The following RIPOR2 variants were observed in gnomAD, a reference collection of about 807,000 sequenced individuals.
RIPOR2 encodes RHO family interacting cell polarization regulator 2.
RIPOR2 carries 39 observed loss-of-function variants against 114.5 expected under a neutral mutation model. The observed-to-expected ratio is 0.34, with a 90% CI of 0.26 to 0.44. The LOEUF is 0.44. Among genes scored for constraint, RIPOR2 ranks in the 20% least tolerant of loss-of-function variants. RIPOR2 has a pLI of 1.00. For synonymous variants in RIPOR2, 445 were observed against 484.4 expected, an observed-to-expected ratio of 0.92 and a Z score of 1.07; for missense variants, 1,007 against 1,255.1, an observed-to-expected ratio of 0.80 and a Z score of 2.99.
At chr6:25,008,282 C>T (rs1251861713) in intron 1 of RIPOR2, among the ~76,000 whole-genome samples, 3 of 152,102 alleles carry the variant, frequency 2.0e-5, no homozygotes, top group Admixed American at 6.5e-5. Flanking sequence ...TCCCAAAGTG[C>T]TGGGATTACA....
intron 1 of RIPOR2, among the ~76,000 whole-genome samples, chr6:24,981,307 G>A (rs985904080): frequency 1.3e-5 from 2 of 152,112 alleles, no homozygotes; most frequent in Non-Finnish European, 2.9e-5. Flanking sequence ...ATTAATTCTT[G>A]CTTACCCTGC....
intron 1 of RIPOR2, chr6:25,023,894 T>C: frequency 1.4e-6 from 1 of 722,022 alleles, no homozygotes; most frequent in Non-Finnish European, 2.6e-6. Flanking sequence ...GGCACTTGGT[T>C]CTTGGGGTTC....
intron 1 of RIPOR2, among the ~76,000 whole-genome samples, chr6:24,960,583 T>C (rs749729758): frequency 6.6e-6 from 1 of 152,160 alleles, no homozygotes; most frequent in Non-Finnish European, 1.5e-5. Context: ...TGGAGAGCAG[T>C]GGTGCAATCT....
intron 1 of RIPOR2, among the ~76,000 whole-genome samples, chr6:24,990,537 T>A (rs1239380110): frequency 6.6e-6 from 1 of 152,240 alleles, no homozygotes; most frequent in Admixed American, 6.5e-5. Context: ...CTTATGTTGA[T>A]ACGAGTGAAT....
intron 1 of RIPOR2, among the ~76,000 whole-genome samples, chr6:24,886,477 C>T (rs1766845736): frequency 6.6e-6 from 1 of 152,182 alleles, no homozygotes; most frequent in Non-Finnish European, 1.5e-5. Flanking sequence ...CAGATGCTCC[C>T]TGTTTTGTCA....
intron 1 of RIPOR2, among the ~76,000 whole-genome samples, chr6:24,953,252 G>A (rs1460884008): frequency 6.6e-6 from 1 of 152,200 alleles, no homozygotes; most frequent in Non-Finnish European, 1.5e-5. Flanking sequence ...AGACTCTCTT[G>A]AACCCGGGAG....
At chr6:24,909,715 A>G (rs1424580820) in intron 1 of RIPOR2, among the ~76,000 whole-genome samples, 1 of 152,142 alleles carries the variant, frequency 6.6e-6, no homozygotes, top group Non-Finnish European at 1.5e-5. Flanking sequence ...GTAAGAGGGT[A>G]GGAAGTGGGG....
At chr6:24,809,852 T>C (rs528434272) in intron 20 of RIPOR2, 45 bp from the exon 21 acceptor site, 3 of 1,254,140 alleles carry the variant, frequency 2.4e-6, no homozygotes, top group Non-Finnish European at 3.4e-6. Flanking sequence ...CATTTAGGTC[T>C]AGAGTACCAC....
chr6:24,825,132 T>G (rs1159151271), intron 19 of RIPOR2, 94 bp downstream of exon 19: 1 of 946,970 alleles, frequency 1.1e-6, no homozygotes, highest in Non-Finnish European at 1.6e-6. Context: ...GCAGAAAAAT[T>G]ATTTTTATAA....
At position 24,825,413 on chromosome 6, in the gene RIPOR2, G is replaced by A. The variant is rs1028533942; in HGVS notation, c.2681C>T (p.Thr894Ile). The change falls in exon 19 of 22, where the codon ACT becomes ATT. Residue 894 changes from threonine to isoleucine, a missense_variant. Thr to Ile is a moderately conservative substitution (Grantham distance 89, BLOSUM62 -1). Transcript: ENST00000643898. ...TTTTTCATCTCTTAGTGATTGCAGA[G>A]TCTGAACCATGGAAACTGGAGGGTA... ...QLARQVSMVQ[T>I]LQSLRDEKLL... 1.3e-5 allele frequency: 20 copies of A among 1,551,930 alleles called. No individual in the cohort carries two copies. The highest frequency in any genetic ancestry group is 1.7e-5 in the Non-Finnish European group (20 of 1,146,810).
chr6:25,036,197 G>A (rs1319881798), intron 1 of RIPOR2, among the ~76,000 whole-genome samples: 1 of 152,188 alleles, frequency 6.6e-6, no homozygotes, highest in Non-Finnish European at 1.5e-5. Context: ...CATTGACACT[G>A]GGAGGAAGTC....
chr6:24,847,767 C>T lies in RIPOR2; in HGVS notation c.1164+258G>A, dbSNP rs1324810305. 14 of 1,408,364 alleles carry T rather than the reference C, an allele frequency of 9.9e-6. No homozygotes were observed. The Middle Eastern group carries it at 5.4e-4, about 54-fold the overall frequency. The allele number at this position is 1,408,364 out of a possible 1,614,324, so 87.2% of individuals were successfully genotyped here. A position where few individuals can be genotyped will look rare whatever the true frequency, so the allele number is the denominator to read the frequency against. On this transcript the variant is annotated intron_variant, in intron 12 of 21. Transcript: ENST00000643898. ...TACATTTTGTTAGCTTTTTAGCAAG[C>T]ATTTTTGATTAAAACAAGGAGGCTA...
chr6:24,901,979 A>C (rs1212468433), intron 1 of RIPOR2, among the ~76,000 whole-genome samples: 1 of 152,234 alleles, frequency 6.6e-6, no homozygotes, highest in Non-Finnish European at 1.5e-5. Context: ...AGGCACTATC[A>C]CTGGGACTAA....
chr6:24,981,201 T>C (rs557316742), intron 1 of RIPOR2, among the ~76,000 whole-genome samples: 2 of 152,328 alleles, frequency 1.3e-5, no homozygotes, highest in South Asian at 4.1e-4. Context: ...AGTTGCCTCG[T>C]GGGTAAGTAG....
intron 1 of RIPOR2, among the ~76,000 whole-genome samples, chr6:24,991,690 G>A (rs1207947384): frequency 2.6e-5 from 4 of 152,108 alleles, no homozygotes; most frequent in African/African-American, 9.7e-5. Flanking sequence ...TAGATTAGGT[G>A]GCCACCAAAA....
chr6:24,877,125 A>T (rs1765863198), intron 1 of RIPOR2: 1 of 985,342 alleles, frequency 1.0e-6, no homozygotes, highest in African/African-American at 1.7e-5. Flanking sequence ...TAAAAAAAAC[A>T]ACAGCAGCAG....
chr6:24,955,184 A>G (rs1561805675), intron 1 of RIPOR2, among the ~76,000 whole-genome samples: 1 of 152,230 alleles, frequency 6.6e-6, no homozygotes, highest in Admixed American at 6.5e-5. Context: ...TTATCAATTT[A>G]TAATACCTGT....
intron 1 of RIPOR2, among the ~76,000 whole-genome samples, chr6:25,025,001 T>C (rs1776537611): frequency 6.6e-6 from 1 of 152,200 alleles, no homozygotes; most frequent in Non-Finnish European, 1.5e-5. Context: ...TGACTTCAGG[T>C]TGGATGTCGA....
At chr6:24,969,535 A>C (rs574168595) in intron 1 of RIPOR2, among the ~76,000 whole-genome samples, 1 of 152,336 alleles carries the variant, frequency 6.6e-6, no homozygotes, top group African/African-American at 2.4e-5. Flanking sequence ...AGTGTGGGCC[A>C]CTTGTTGGAG....
Sources: allele counts gnomAD v4.1 joint callset (sites outside exome capture counted in the v4.1 genomes callset), GRCh38; gene constraint gnomAD v4.1.1; transcripts MANE v1.5; gene names NCBI Gene and HGNC (gene_info 2026-07-23, HGNC 2026-07-21).